MPRIP: variants seen among roughly 807,000 people sequenced by gnomAD.
MPRIP encodes myosin phosphatase Rho interacting protein.
Under a neutral mutation model 234.9 loss-of-function variants are expected in MPRIP, and 59 were observed. The observed-to-expected ratio is 0.25, with a 90% CI of 0.20 to 0.31. The LOEUF is 0.31. Among genes scored for constraint, MPRIP ranks in the 10% least tolerant of loss-of-function variants. MPRIP has a pLI of 1.00. For synonymous variants in MPRIP, 1,144 were observed against 1,263.9 expected (o/e 0.91, Z 2.01); for missense variants, 2,436 against 3,071.0 (o/e 0.79, Z 4.89).
chr17:17,138,015 C>G lies in MPRIP; in HGVS notation c.836C>G (p.Ala279Gly). Residue 279 changes from alanine to glycine, a missense_variant, in exon 7 of 24, where the codon GCT (alanine) becomes GGT (glycine). By Grantham distance (60) the Ala-to-Gly change is moderately conservative. Coordinates refer to ENST00000651222, the MANE Select transcript of MPRIP (RefSeq NM_001364716.4). This position sits in a 1 kb window ranked among gnomAD's most constrained non-coding sequence, Gnocchi z 5.8. Reference protein sequence around the residue: ...SLEKTKQDLKAEEQQLPPPLS... With the variant: ...SLEKTKQDLKGEEQQLPPPLS... ...GAGAAGACCAAACAGGACTTGAAGG[C>G]TGAAGAACAGCAGCTGCCCCCGCCG... 1 of 1,611,886 alleles carries G rather than the reference C, an allele frequency of 6.2e-7. No homozygotes were observed.
intron 16 of MPRIP, chr17:17,168,956 T>C: frequency 2.2e-6 from 1 of 456,996 alleles, no homozygotes; most frequent in South Asian, 1.5e-5. Flanking sequence ...CCCAGCCCGT[T>C]ACTCCTGTAG....
chr17:17,182,651 A>G (rs1053286530), intron 23 of MPRIP: 2 of 152,134 alleles, frequency 1.3e-5, no homozygotes, highest in Admixed American at 1.3e-4. Context: ...GCCCAGCATC[A>G]CCTGAGCCTG....
chr17:17,184,788 T>G (rs890116552), intron 23 of MPRIP, 35 bp from the exon 24 acceptor site: 1 of 1,544,638 alleles, frequency 6.5e-7, no homozygotes, highest in Non-Finnish European at 8.9e-7. Flanking sequence ...TCTAACGGTG[T>G]GTTTATTTTC....
At chr17:17,052,913 C>T (rs1430224735) in intron 1 of MPRIP, among the ~76,000 whole-genome samples, 1 of 152,194 alleles carries the variant, frequency 6.6e-6, no homozygotes, top group Non-Finnish European at 1.5e-5. Context: ...CCGTGGCGCA[C>T]TTTCCACACA....
chr17:17,144,287 CG>C, intron 9 of MPRIP, among the ~76,000 whole-genome samples: 1 of 152,234 alleles, frequency 6.6e-6, no homozygotes, highest in Non-Finnish European at 1.5e-5. Context: ...CATGGGCCTC[CG>C]GCCTGCCCCA....
chr17:17,093,776 T>C (rs2089775666), intron 3 of MPRIP, among the ~76,000 whole-genome samples: 1 of 152,256 alleles, frequency 6.6e-6, no homozygotes, highest in Non-Finnish European at 1.5e-5. Flanking sequence ...CTAGCCAGAA[T>C]ACTCCGGTGC....
intron 3 of MPRIP, among the ~76,000 whole-genome samples, chr17:17,119,784 C>A: frequency 6.6e-6 from 1 of 152,224 alleles, no homozygotes; most frequent in East Asian, 1.9e-4. Flanking sequence ...GCTTTTCATA[C>A]TCCTTAAGTG....
intron 16 of MPRIP, chr17:17,170,296 C>G (rs1271429356): frequency 6.6e-6 from 1 of 151,868 alleles, no homozygotes; most frequent in Non-Finnish European, 1.5e-5. Context: ...AGAGCTCAAC[C>G]TTGGGGCCTG....
At chr17:17,110,797 A>G (rs1027766847) in intron 3 of MPRIP, among the ~76,000 whole-genome samples, 1 of 152,216 alleles carries the variant, frequency 6.6e-6, no homozygotes, top group Non-Finnish European at 1.5e-5. Flanking sequence ...GCACTCCTCA[A>G]AACCATCAAG....
chr17:17,151,892 C>T (rs2045610810), intron 12 of MPRIP, among the ~76,000 whole-genome samples: 1 of 152,240 alleles, frequency 6.6e-6, no homozygotes, highest in African/African-American at 2.4e-5. Flanking sequence ...TTGGTTCTCA[C>T]ACAAGGCTAG....
intron 3 of MPRIP, among the ~76,000 whole-genome samples, chr17:17,105,116 A>T (rs2090037575): frequency 6.6e-6 from 1 of 152,184 alleles, no homozygotes; most frequent in South Asian, 2.1e-4. Flanking sequence ...TTTGTTGTTC[A>T]TCCTCAAGTA....
At position 17,138,173 on chromosome 17, in the gene MPRIP, A is replaced by G; in HGVS notation, c.994A>G (p.Ser332Gly). The stretch of plus-strand genomic sequence containing the variant: ...CCAAATGGTCTGCAGCATCTCCCTC[A>G]GCTCCCTGGATGTGGCCAGCCAGCC... ...PHQMVCSISL[S>G]SLDVASQPPA... Residue 332 changes from serine (S) to glycine (G), a missense_variant, in exon 7 of 24, where the codon AGC becomes GGC. Around this residue, in one of 4 missense-constraint regions of MPRIP, gnomAD observed 267 missense variants for 252.7 expected, o/e 1.06. Transcript: ENST00000651222. This position sits in a 1 kb window ranked among gnomAD's most constrained non-coding sequence, Gnocchi z 5.8. The G allele has an allele frequency of 8.7e-7, 1 of 1,148,348 alleles. No individual in the cohort carries two copies. Among genetic ancestry groups the G allele is most frequent in the Non-Finnish European group, 1.2e-6 (1 of 820,388 alleles). 71.1% of individuals were successfully genotyped at this position (1,148,348 alleles called of 1,614,324 possible).
intron 5 of MPRIP, 117 bp from the exon 6 acceptor site, chr17:17,136,101 GC>G: frequency 1.0e-6 from 1 of 1,002,512 alleles, no homozygotes; most frequent in Non-Finnish European, 1.5e-6. Flanking sequence ...AAGATTCCAG[GC>G]CCCTGACATT....
At chr17:17,083,783 C>T (rs904120113) in intron 3 of MPRIP, among the ~76,000 whole-genome samples, 3 of 152,016 alleles carry the variant, frequency 2.0e-5, no homozygotes, top group African/African-American at 4.8e-5. Context: ...CTCACTCTGT[C>T]GCCAGGCTGG....
intron 3 of MPRIP, among the ~76,000 whole-genome samples, chr17:17,109,472 G>A (rs999003869): frequency 6.6e-6 from 1 of 152,246 alleles, no homozygotes; most frequent in Non-Finnish European, 1.5e-5. Flanking sequence ...CAGTGACAAG[G>A]AACAGGCAGG....
At position 17,126,782 on chromosome 17, in the gene MPRIP, G is replaced by A; in HGVS notation, c.348G>A (p.Lys116=). The change falls in exon 4 of 24, where the codon AAG becomes AAA. Residue 116 remains lysine (K), a synonymous_variant. Transcript: ENST00000651222. ...ATGGGGAGGGCCGCACGGGCCAGAA[G>A]TTCTCCCTGTGTATTCTGACGCCTG... The part of the protein sequence containing the change: ...VVDGEGRTGQ[K]FSLCILTPEK... 6.2e-7 allele frequency: 1 copy of A among 1,614,244 alleles called. No homozygotes were observed. Among genetic ancestry groups the A allele is most frequent in the Non-Finnish European group, 8.5e-7 (1 of 1,180,040 alleles).
intron 3 of MPRIP, among the ~76,000 whole-genome samples, chr17:17,122,178 G>C (rs936095318): frequency 1.3e-5 from 2 of 152,286 alleles, no homozygotes; most frequent in East Asian, 1.9e-4. Context: ...CCAGTAATGA[G>C]ATTGCTGCAT....
At chr17:17,139,717 A>G (rs2090774693) in intron 7 of MPRIP, among the ~76,000 whole-genome samples, 1 of 152,182 alleles carries the variant, frequency 6.6e-6, no homozygotes, top group Non-Finnish European at 1.5e-5. Context: ...CCCAGATGAA[A>G]AGGCCTGTGA....
chr17:17,046,267 ATAATT>A (rs1396547221), intron 1 of MPRIP, among the ~76,000 whole-genome samples: 1 of 152,238 alleles, frequency 6.6e-6, no homozygotes, highest in Non-Finnish European at 1.5e-5. Context: ...GGAGTGTACT[ATAATT>A]TAACCCGTTT....
Sources: allele counts gnomAD v4.1 joint callset (sites outside exome capture counted in the v4.1 genomes callset), GRCh38; gene constraint gnomAD v4.1.1; regional missense constraint gnomAD v4.1.1; non-coding constraint Gnocchi (gnomAD v3.1); transcripts MANE v1.5; gene names NCBI Gene and HGNC (gene_info 2026-07-23, HGNC 2026-07-21).